Variants in FERMT2 observed in about 807,000 individuals in gnomAD.
The protein encoded by FERMT2 is FERM domain containing kindlin 2, also known as fermitin family homolog 2.
In FERMT2, 15 loss-of-function variants were observed where a neutral mutation model predicts 82.7. The ratio of observed to expected loss-of-function variants is 0.18; its 90% CI spans 0.12 to 0.28. FERMT2 has a LOEUF of 0.28. Ranked by LOEUF, FERMT2 falls within the 10% of genes least tolerant of loss-of-function variation. The pLI, the probability that FERMT2 is intolerant of heterozygous loss-of-function variation, is 1.00. For synonymous variants in FERMT2, 274 were observed against 271.5 expected (o/e 1.01, Z -0.09); for missense variants, 645 against 809.4 (o/e 0.80, Z 2.46).
chr14:52,893,453 T>G, intron 3 of FERMT2, 26 bp from the exon 4 acceptor site: 1 of 1,531,506 alleles, frequency 6.5e-7, no homozygotes, highest in Non-Finnish European at 8.8e-7. Flanking sequence ...ATTGTTTTAC[T>G]AGAACAAAGG....
At position 52,868,549 on chromosome 14, in the gene FERMT2, G is replaced by T. The variant is rs145156646; in HGVS notation, c.1274-3696C>A. On this transcript the variant is annotated intron_variant, in intron 10 of 14. Coordinates refer to ENST00000341590, the MANE Select transcript of FERMT2 (RefSeq NM_006832.3). ...TCTCTAGTACCCAGCACAGTTTGTG[G>T]CACAGGAGTTCACTTAGTATTAGCT... Among the ~76,000 whole-genome samples the T allele has an allele frequency of 1.2e-4, 19 of 152,230 alleles. No homozygotes were observed. In the East Asian group the frequency reaches 3.7e-3, roughly 29 times the overall value.
chr14:52,881,129 A>C lies in FERMT2; in HGVS notation c.762T>G (p.Asp254Glu), dbSNP rs1886270408. Residue 254 changes from aspartate to glutamate, a missense_variant, in exon 6 of 15, where the codon GAT (aspartate) becomes GAG (glutamate). Asp to Glu is a conservative substitution (Grantham distance 45). Coordinates refer to ENST00000341590, the MANE Select transcript of FERMT2 (RefSeq NM_006832.3). Reference protein sequence around the residue: ...DKAKINQGWLDSSRSLMEQDV... With the variant: ...DKAKINQGWLESSRSLMEQDV... ...CTTGTTCCATGAGAGATCTTGAGGA[A>C]TCAAGCCATCTGGACAAATTAAGAA... is the stretch of plus-strand genomic sequence containing the variant. 6.2e-7 allele frequency: 1 copy of C among 1,612,712 alleles called. No individual in the cohort carries two copies. Among genetic ancestry groups the C allele is most frequent in the Non-Finnish European group, 8.5e-7 (1 of 1,179,032 alleles).
At chr14:52,873,189 C>T (rs1304295504) in intron 9 of FERMT2, among the ~76,000 whole-genome samples, 1 of 152,124 alleles carries the variant, frequency 6.6e-6, no homozygotes, top group Non-Finnish European at 1.5e-5. Flanking sequence ...CAGCTGTAGC[C>T]ATCACATCTA....
chr14:52,946,696 TG>T (rs1890372321), intron 2 of FERMT2, among the ~76,000 whole-genome samples: 1 of 152,074 alleles, frequency 6.6e-6, no homozygotes, highest in African/African-American at 2.4e-5. Flanking sequence ...TTTTTTTTTT[TG>T]AGGCGGAGTC....
At chr14:52,908,858 T>G (rs892984961) in intron 3 of FERMT2, among the ~76,000 whole-genome samples, 3 of 152,220 alleles carry the variant, frequency 2.0e-5, no homozygotes, top group Non-Finnish European at 4.4e-5. Flanking sequence ...CATTTTTTAT[T>G]TCTTTAAACT....
chr14:52,894,220 A>G lies in FERMT2; in HGVS notation c.392-793T>C, dbSNP rs1169008981. Among the ~76,000 whole-genome samples, 5 of 152,364 alleles carry G rather than the reference A, an allele frequency of 3.3e-5. No individual in the cohort carries two copies. In the East Asian group the frequency reaches 9.6e-4, roughly 29 times the overall value. On this transcript the variant is annotated intron_variant, in intron 3 of 14. Transcript: ENST00000341590. ...TTTTCATTTGAGGAGTCTGATAACA[A>G]GGAAAATGGTTAAATGAAAATAACA...
chr14:52,945,393 G>A (rs144701179), intron 2 of FERMT2, among the ~76,000 whole-genome samples: 13 of 151,708 alleles, frequency 8.6e-5, no homozygotes, highest in Middle Eastern at 3.4e-3. Context: ...GATTACAGGC[G>A]CCCGCTACCA....
intron 2 of FERMT2, among the ~76,000 whole-genome samples, chr14:52,931,497 G>A (rs751465363): frequency 9.2e-5 from 14 of 152,146 alleles, no homozygotes; most frequent in Non-Finnish European, 1.0e-4. Context: ...AGAGAGCAGG[G>A]CCTGACATAA....
At chr14:52,867,254 T>C (rs554626841) in intron 10 of FERMT2, among the ~76,000 whole-genome samples, 3 of 152,226 alleles carry the variant, frequency 2.0e-5, no homozygotes, top group African/African-American at 7.2e-5. Context: ...TTGTTTCTTA[T>C]TTACTTCTCA....
chr14:52,868,945 G>A (rs1413818244), intron 10 of FERMT2, among the ~76,000 whole-genome samples: 1 of 152,180 alleles, frequency 6.6e-6, no homozygotes, highest in Non-Finnish European at 1.5e-5. Context: ...CCTTTGAGAG[G>A]ACTTGGGAGC....
At chr14:52,911,576 G>C (rs573214978) in intron 3 of FERMT2, among the ~76,000 whole-genome samples, 4 of 151,808 alleles carry the variant, frequency 2.6e-5, no homozygotes, top group Admixed American at 2.6e-4. Flanking sequence ...GCGTGAACCC[G>C]GGAGGCAGAG....
At position 52,864,477 on chromosome 14, in the gene FERMT2, G is replaced by T; in HGVS notation, c.1526C>A (p.Pro509Gln). 1 of 1,614,008 alleles carries T rather than the reference G, an allele frequency of 6.2e-7. No individual in the cohort carries two copies. The highest frequency in any genetic ancestry group is 8.5e-7 in the Non-Finnish European group (1 of 1,179,916). Residue 509 changes from proline to glutamine, a missense_variant, in exon 12 of 15, where the codon CCA (proline) becomes CAA (glutamine). Transcript: ENST00000341590. ...AGTTATATCAGTCGTGATCTGCTCT[G>T]GTATTAACTGAGGATCTGGGTTTAA... ...QHLNPDPQLI[P>Q]EQITTDITPE...
In FERMT2 at chr14:52,949,743, T is replaced by C. The variant is rs573099237; in HGVS notation, c.157+669A>G. On this transcript the variant is annotated intron_variant, in intron 2 of 14. Coordinates refer to ENST00000341590, the MANE Select transcript of FERMT2 (RefSeq NM_006832.3). Reference sequence around the variant, plus strand: ...AAACACCGTCAACCTCAAATTAGTTTAACAAAGTCTGCTTTTTAACACAAA... The same window carrying C: ...AAACACCGTCAACCTCAAATTAGTTCAACAAAGTCTGCTTTTTAACACAAA... Among the ~76,000 whole-genome samples, 31 of 152,388 alleles carry C rather than the reference T, an allele frequency of 2.0e-4. 1 individual carries two copies. In the South Asian group the frequency reaches 6.4e-3, roughly 32 times the overall value.
intron 7 of FERMT2, among the ~76,000 whole-genome samples, chr14:52,878,040 T>C (rs1405190613): frequency 6.6e-6 from 1 of 152,158 alleles, no homozygotes; most frequent in Middle Eastern, 3.2e-3. Context: ...AAGAACCACA[T>C]ATGAAAAAAC....
intron 1 of FERMT2, 67 bp from the exon 2 acceptor site, chr14:52,950,644 T>A: frequency 6.6e-7 from 1 of 1,519,074 alleles, no homozygotes; most frequent in Non-Finnish European, 9.0e-7. Context: ...TCCCACCGAA[T>A]TCGCAGCGCC....
chr14:52,893,557 G>T, intron 3 of FERMT2, 130 bp from the exon 4 acceptor site: 2 of 664,124 alleles, frequency 3.0e-6, no homozygotes, highest in African/African-American at 1.8e-5. Context: ...AGACATTGAT[G>T]TCATGCAAAA....
At chr14:52,925,370 C>G (rs1889196988) in intron 2 of FERMT2, among the ~76,000 whole-genome samples, 1 of 151,888 alleles carries the variant, frequency 6.6e-6, no homozygotes, top group Admixed American at 6.6e-5. Flanking sequence ...CCAGCCTGGC[C>G]AATATGGTGA....
intron 3 of FERMT2, among the ~76,000 whole-genome samples, chr14:52,903,884 T>A (rs1159510079): frequency 6.6e-6 from 1 of 151,974 alleles, no homozygotes; most frequent in Non-Finnish European, 1.5e-5. Flanking sequence ...CAAGAAAATA[T>A]TCACCCCAGA....
intron 10 of FERMT2, among the ~76,000 whole-genome samples, chr14:52,871,172 C>G (rs1419021042): frequency 6.6e-6 from 1 of 152,198 alleles, no homozygotes; most frequent in South Asian, 2.1e-4. Context: ...TGTCTCTAAC[C>G]CCTTAGCTCT....
Sources: allele counts gnomAD v4.1 joint callset (sites outside exome capture counted in the v4.1 genomes callset), GRCh38; gene constraint gnomAD v4.1.1; transcripts MANE v1.5; gene names NCBI Gene and HGNC (gene_info 2026-07-23, HGNC 2026-07-21).